The following ZNF664 variants were observed in gnomAD, a reference collection of about 807,000 sequenced individuals.
The protein encoded by ZNF664 is zinc finger Organ of Corti 1.
In ZNF664, 10 loss-of-function variants were observed where a neutral mutation model predicts 18.2. The observed-to-expected ratio is 0.55, with a 90% CI of 0.34 to 0.93. The LOEUF (loss-of-function observed/expected upper bound fraction) is 0.93. Among genes scored for constraint, ZNF664 ranks in the 40% least tolerant of loss-of-function variants. The pLI is 0.02. For synonymous variants in ZNF664, 119 were observed against 104.2 expected, an observed-to-expected ratio of 1.14 and a Z score of -0.86; for missense variants, 193 against 319.0, an observed-to-expected ratio of 0.61 and a Z score of 3.01.
At chr12:124,011,140 T>C (rs1957132003) in intron 3 of ZNF664, among the ~76,000 whole-genome samples, 1 of 152,274 alleles carries the variant, frequency 6.6e-6, no homozygotes, top group Non-Finnish European at 1.5e-5. Context: ...TACGATGTTT[T>C]ATCTCCAAAG....
intron 3 of ZNF664, among the ~76,000 whole-genome samples, chr12:123,995,340 C>T (rs1246240809): frequency 6.6e-6 from 1 of 152,238 alleles, no homozygotes; most frequent in Non-Finnish European, 1.5e-5. Context: ...CAATGCTTCA[C>T]AGACTATTGT....
chr12:123,991,237 G>A (rs1299647521), intron 3 of ZNF664, among the ~76,000 whole-genome samples: 1 of 152,168 alleles, frequency 6.6e-6, no homozygotes, highest in Non-Finnish European at 1.5e-5. Context: ...TTACTCAGGT[G>A]TTTCTGTATA....
chr12:124,002,206 A>C (rs1450452142), intron 3 of ZNF664, among the ~76,000 whole-genome samples: 1 of 152,138 alleles, frequency 6.6e-6, no homozygotes, highest in East Asian at 1.9e-4. Flanking sequence ...GAAACTGGGC[A>C]GGGGGCTCAT....
chr12:123,978,955 A>G (rs1956728434), intron 2 of ZNF664, among the ~76,000 whole-genome samples: 1 of 152,212 alleles, frequency 6.6e-6, no homozygotes, highest in African/African-American at 2.4e-5. Flanking sequence ...TTTATTTAGA[A>G]AGAAAGATCC....
intron 3 of ZNF664, among the ~76,000 whole-genome samples, chr12:123,991,380 GC>G (rs1429672634): frequency 2.0e-5 from 3 of 152,164 alleles, no homozygotes. Context: ...GGAACAGGGA[GC>G]AGCAGACACA....
intron 2 of ZNF664, among the ~76,000 whole-genome samples, chr12:123,981,565 G>A (rs778853870): frequency 6.6e-6 from 1 of 152,152 alleles, no homozygotes; most frequent in Non-Finnish European, 1.5e-5. Flanking sequence ...GTGGTCCTGG[G>A]CTTTTTCAGC....
chr12:123,982,354 T>C (rs825469), intron 2 of ZNF664, among the ~76,000 whole-genome samples: 149,104 of 152,294 alleles, frequency 0.98, 73,058 homozygotes, highest in Middle Eastern at 1. Context: ...GGGAAGTTGG[T>C]GGCAGTCAGT....
At chr12:123,974,091 G>A (rs1003745513) in intron 2 of ZNF664, 71 bp downstream of exon 2, 4 of 1,090,168 alleles carry the variant, frequency 3.7e-6, no homozygotes, top group Non-Finnish European at 4.6e-6. Context: ...CCCCTTCCAG[G>A]ACTCGACTGC....
At chr12:123,982,247 A>G (rs929456072) in intron 2 of ZNF664, among the ~76,000 whole-genome samples, 5 of 152,184 alleles carry the variant, frequency 3.3e-5, no homozygotes, top group Admixed American at 6.5e-5. Context: ...TTGAAGGACA[A>G]GTGGAGAAAA....
At chr12:123,977,604 G>A (rs1015979637) in intron 2 of ZNF664, among the ~76,000 whole-genome samples, 3 of 152,162 alleles carry the variant, frequency 2.0e-5, no homozygotes, top group Non-Finnish European at 4.4e-5. Flanking sequence ...AAGGTCTGAA[G>A]GGGTACCTTG....
intron 4 of ZNF664, 34 bp from the exon 5 acceptor site, chr12:124,011,512 A>G: frequency 6.3e-6 from 5 of 799,382 alleles, no homozygotes; most frequent in Non-Finnish European, 7.6e-6. Flanking sequence ...AGATAAAAGC[A>G]TTTTCAATTT....
rs1957137180 is a variant in ZNF664, at chr12:124,011,648, A to G, written c.-497A>G. The G allele has an allele frequency of 2.0e-6, 2 of 1,006,780 alleles. No individual in the cohort carries two copies. Among genetic ancestry groups the G allele is most frequent in the South Asian group, 4.6e-5 (1 of 21,632 alleles). The allele number at this position is 1,006,780 out of a possible 1,614,324, so 62.4% of individuals were successfully genotyped here. A position where few individuals can be genotyped will look rare whatever the true frequency, so the allele number is the denominator to read the frequency against. The stretch of plus-strand genomic sequence containing the variant: ...GGAAAGGCTTTCCTGTCTGATGTGC[A>G]GGAGGCAGAATGCCAAACTGACTCT... On this transcript the variant is annotated 5_prime_UTR_variant, in exon 5 of 5. Coordinates refer to ENST00000337815, the MANE Select transcript of ZNF664 (RefSeq NM_152437.3).
chr12:123,990,993 C>T (rs1009115523), intron 3 of ZNF664, among the ~76,000 whole-genome samples: 2 of 152,244 alleles, frequency 1.3e-5, no homozygotes, highest in African/African-American at 2.4e-5. Context: ...GTTTCATAGC[C>T]GAGTAAACTG....
intron 3 of ZNF664, among the ~76,000 whole-genome samples, chr12:124,007,957 T>C (rs1327210224): frequency 1.3e-5 from 2 of 152,234 alleles, no homozygotes; most frequent in Admixed American, 6.5e-5. Context: ...ATAGCTACAA[T>C]GACATGATCA....
chr12:124,009,683 A>G (rs1957112184), intron 3 of ZNF664, among the ~76,000 whole-genome samples: 1 of 151,714 alleles, frequency 6.6e-6, no homozygotes, highest in Non-Finnish European at 1.5e-5. Context: ...ATTTAATTTA[A>G]TTTAATTTTT....
chr12:124,013,208 A>ATTC lies in ZNF664; in HGVS notation c.*278_*279insTTC, dbSNP rs1957153203. 1 of 458,034 alleles carries ATTC rather than the reference A, an allele frequency of 2.2e-6. No individual in the cohort carries two copies. The highest frequency in any genetic ancestry group is 4.0e-6 in the Non-Finnish European group (1 of 251,292). 28.4% of individuals were successfully genotyped at this position (458,034 alleles called of 1,614,324 possible). ...CCAGCACGATGCCTCCATAGTTGAAAGACTACACAAAAAGCCACAATCATT... is the reference window on the plus strand; with the variant it reads ...CCAGCACGATGCCTCCATAGTTGAAATTCGACTACACAAAAAGCCACAATCATT... On this transcript the variant is annotated 3_prime_UTR_variant, in exon 5 of 5. Coordinates refer to ENST00000337815, the MANE Select transcript of ZNF664 (RefSeq NM_152437.3).
intron 3 of ZNF664, among the ~76,000 whole-genome samples, chr12:123,991,801 C>T (rs892846583): frequency 1.3e-5 from 2 of 152,200 alleles, no homozygotes; most frequent in Non-Finnish European, 1.5e-5. Flanking sequence ...CATCCTTGAT[C>T]ACCCTGATAA....
At chr12:124,007,377 T>G (rs1166718382) in intron 3 of ZNF664, among the ~76,000 whole-genome samples, 1 of 152,206 alleles carries the variant, frequency 6.6e-6, no homozygotes, top group Non-Finnish European at 1.5e-5. Context: ...CCTGGCAGCT[T>G]GATTCCTGGA....
chr12:123,998,039 TC>T lies in ZNF664; in HGVS notation c.-661+9903del, dbSNP rs1956970334. Among the ~76,000 whole-genome samples the T allele has an allele frequency of 2.0e-5, 3 of 152,144 alleles. No homozygotes were observed. The South Asian group carries it at 6.2e-4, about 32-fold the overall frequency. On this transcript the variant is annotated intron_variant, in intron 3 of 4. Transcript: ENST00000337815. ...GCTGGAGCCAAAGAGTGTTCCCTGT[TC>T]CAGAAAGGGAGGTAACATTTGCAGG...
Sources: allele counts gnomAD v4.1 joint callset (sites outside exome capture counted in the v4.1 genomes callset), GRCh38; gene constraint gnomAD v4.1.1; transcripts MANE v1.5; gene names NCBI Gene and HGNC (gene_info 2026-07-23, HGNC 2026-07-21).